NUP58: variants seen among roughly 807,000 people sequenced by gnomAD.
NUP58 encodes nucleoporin 58.
A neutral mutation model predicts 70.1 loss-of-function variants in NUP58; 17 were observed. The ratio of observed to expected loss-of-function variants is 0.24; its 90% CI spans 0.17 to 0.36. The LOEUF (loss-of-function observed/expected upper bound fraction) is 0.36, where lower values mean the gene tolerates loss of function less well. Ranked by LOEUF, NUP58 falls within the 10% of genes least tolerant of loss-of-function variation. NUP58 has a pLI of 1.00. For missense variants in NUP58, 644 were observed against 701.5 expected (o/e 0.92, Z 0.93); for synonymous variants, 275 against 257.6 (o/e 1.07, Z -0.65).
chr13:25,338,439 A>C (rs763926313), intron 14 of NUP58, among the ~76,000 whole-genome samples, 197 bp from the exon 15 acceptor site: 2 of 152,158 alleles, frequency 1.3e-5, no homozygotes, highest in Non-Finnish European at 2.9e-5. Context: ...GTCTAAATAG[A>C]TATAAACGTT....
intron 10 of NUP58, among the ~76,000 whole-genome samples, chr13:25,326,199 G>A (rs890224306): frequency 2.6e-5 from 4 of 152,122 alleles, no homozygotes; most frequent in African/African-American, 9.7e-5. Flanking sequence ...CTTCCTCACT[G>A]GACTTCCTCT....
downstream of NUP58, among the ~76,000 whole-genome samples, chr13:25,344,053 T>G (rs993169611): frequency 1.3e-5 from 2 of 152,090 alleles, no homozygotes; most frequent in Non-Finnish European, 2.9e-5. Flanking sequence ...TTCCTAGTAT[T>G]CTTTGTGATC....
At chr13:25,321,869 A>AT (rs1218038025) in intron 9 of NUP58, among the ~76,000 whole-genome samples, 1 of 152,122 alleles carries the variant, frequency 6.6e-6, no homozygotes, top group East Asian at 1.9e-4. Flanking sequence ...GTGAGCCAAG[A>AT]TTGCACCATT....
intron 3 of NUP58, among the ~76,000 whole-genome samples, chr13:25,311,096 T>C (rs2030642801): frequency 6.6e-6 from 1 of 152,176 alleles, no homozygotes; most frequent in African/African-American, 2.4e-5. Context: ...GTTTACTTTA[T>C]GGGCAGGAAG....
At chr13:25,303,175 C>A in intron 1 of NUP58, 3 of 446,296 alleles carry the variant, frequency 6.7e-6, no homozygotes, top group Non-Finnish European at 1.3e-5. Context: ...AAACAAAATT[C>A]CCATTGCTCT....
At position 25,321,125 on chromosome 13, in the gene NUP58, G is replaced by GT. The variant is rs1408920592; in HGVS notation, c.951+39dup. 5 of 1,531,600 alleles carry GT rather than the reference G, an allele frequency of 3.3e-6. No individual in the cohort carries two copies. In the Admixed American group the frequency reaches 1.2e-4, roughly 37 times the overall value. The allele number at this position is 1,531,600 out of a possible 1,614,324, so 94.9% of individuals were successfully genotyped here. ...CAACTTATGGCCATTTTACCGTAGG[G>GT]TTTTTTTGTTTTGTTTTTTCCAAAA... is the stretch of plus-strand genomic sequence containing the variant. On this transcript the variant is annotated intron_variant, in intron 9 of 15. Coordinates refer to ENST00000381736, the MANE Select transcript of NUP58 (RefSeq NM_014089.4).
rs146702490 is a variant in NUP58 at position 25,312,667 on chromosome 13, C to T, written c.287-216C>T. 2.3e-3 allele frequency among the ~76,000 whole-genome samples: 356 copies of T among 152,318 alleles called. 2 individuals are homozygous for T. Among genetic ancestry groups the T allele is most frequent in the African/African-American group, 8.1e-3 (336 of 41,570 alleles). ...ACAGGCGTGAGCCACTGTACCTGGCCATTCTTTTGTTTTTCTTAAAGAGCC... is the reference window on the plus strand; with the variant it reads ...ACAGGCGTGAGCCACTGTACCTGGCTATTCTTTTGTTTTTCTTAAAGAGCC... On this transcript the variant is annotated intron_variant, in intron 3 of 15. Transcript: ENST00000381736.
At chr13:25,323,172 A>G (rs1305629270) in intron 9 of NUP58, among the ~76,000 whole-genome samples, 1 of 152,130 alleles carries the variant, frequency 6.6e-6, no homozygotes, top group African/African-American at 2.4e-5. Flanking sequence ...AGAAGAGCAT[A>G]AAGGTGGCAA....
At position 25,309,726 on chromosome 13, in the gene NUP58, C is replaced by T. The variant is rs140377597; in HGVS notation, c.286+444C>T. 7.3e-3 allele frequency among the ~76,000 whole-genome samples: 1,106 copies of T among 152,032 alleles called. 13 individuals carry two copies. Among genetic ancestry groups the T allele is most frequent in the African/African-American group, 0.024 (998 of 41,442 alleles). On this transcript the variant is annotated intron_variant, in intron 3 of 15. Coordinates refer to ENST00000381736, the MANE Select transcript of NUP58 (RefSeq NM_014089.4). ...GACATAATACTTTCTGTAGTGTTAACGCTAAAGGGAATGTGAATAACTAGG... is the reference window on the plus strand; with the variant it reads ...GACATAATACTTTCTGTAGTGTTAATGCTAAAGGGAATGTGAATAACTAGG...
At chr13:25,327,799 A>G (rs1327752305) in intron 12 of NUP58, among the ~76,000 whole-genome samples, 2 of 152,124 alleles carry the variant, frequency 1.3e-5, no homozygotes, top group Non-Finnish European at 1.5e-5. Flanking sequence ...ATCATTTTTA[A>G]TAGTTAACAT....
At chr13:25,335,839 C>T (rs1213292077) in intron 13 of NUP58, 1 of 1,008,870 alleles carries the variant, frequency 9.9e-7, no homozygotes. Flanking sequence ...TGACAGTTCC[C>T]TCATCTTTGA....
Position 25,320,990 on chromosome 13 carries a change from T to G in NUP58, c.848T>G (p.Val283Gly), listed in dbSNP as rs1349709108. ...ATGTCTTCAAAAGCAATGCTTAAGGTACAAGAAGATATTAAAGCTCTGAAG... is the reference window on the plus strand; with the variant it reads ...ATGTCTTCAAAAGCAATGCTTAAGGGACAAGAAGATATTAAAGCTCTGAAG... ...SRMSSKAMLK[V>G]QEDIKALKQL... Residue 283 changes from valine to glycine, a missense_variant, in exon 9 of 16, where the codon GTA becomes GGA. Around this residue, in one of 4 missense-constraint regions of NUP58, gnomAD observed 430 missense variants for 409.2 expected, o/e 1.05. Transcript: ENST00000381736. 1 of 1,601,250 alleles carries G rather than the reference T, an allele frequency of 6.2e-7. No individual in the cohort carries two copies. Among genetic ancestry groups the G allele is most frequent in the Non-Finnish European group, 8.5e-7 (1 of 1,175,446 alleles).
At chr13:25,342,996 T>G (rs2137850736), downstream of NUP58, among the ~76,000 whole-genome samples, 1 of 152,264 alleles carries the variant, frequency 6.6e-6, no homozygotes, top group East Asian at 1.9e-4. Flanking sequence ...ACTGTGTGGT[T>G]TTTTTAGGAA....
rs2031929826 is a variant in NUP58, at chr13:25,340,749, C to T, written c.*615C>T. 6.6e-6 allele frequency: 1 copy of T among 152,150 alleles called. No homozygotes were observed. Among genetic ancestry groups the T allele is most frequent in the South Asian group, 2.1e-4 (1 of 4,824 alleles). 9.4% of individuals were successfully genotyped at this position (152,150 alleles called of 1,614,324 possible). ...CCAGCCTGACATGGTGAAACCCCAT[C>T]TCTACGAAAAATACAAAAATTAGCT... On this transcript the variant is annotated 3_prime_UTR_variant, in exon 16 of 16. Coordinates refer to ENST00000381736, the MANE Select transcript of NUP58 (RefSeq NM_014089.4).
At chr13:25,344,329 T>A (rs1377690635), downstream of NUP58, among the ~76,000 whole-genome samples, 1 of 152,210 alleles carries the variant, frequency 6.6e-6, no homozygotes, top group African/African-American at 2.4e-5. Context: ...AGACTTCAGC[T>A]TTATCCTCTA....
chr13:25,341,574 A>C lies in NUP58; in HGVS notation c.*1440A>C, dbSNP rs2031956081. On this transcript the variant is annotated 3_prime_UTR_variant, in exon 16 of 16. Transcript: ENST00000381736. ...AAAAATATTCTTTGTAGCAACTGTA[A>C]ATTCTCCCATTATAACAGTGAACAG... The C allele has an allele frequency of 6.6e-6, 1 of 152,618 alleles. No individual in the cohort carries two copies. The highest frequency in any genetic ancestry group is 1.5e-5 in the Non-Finnish European group (1 of 68,030). The allele number at this position is 152,618 out of a possible 1,614,324, so 9.5% of individuals were successfully genotyped here. A position where few individuals can be genotyped will look rare whatever the true frequency, so the allele number is the denominator to read the frequency against.
At chr13:25,319,580 G>T (rs1014312510) in intron 7 of NUP58, among the ~76,000 whole-genome samples, 1 of 151,934 alleles carries the variant, frequency 6.6e-6, no homozygotes, top group African/African-American at 2.4e-5. Context: ...TTCTGGAAAG[G>T]TGTTTGGTAT....
At chr13:25,344,281 T>C (rs1354379319), downstream of NUP58, among the ~76,000 whole-genome samples, 1 of 152,212 alleles carries the variant, frequency 6.6e-6, no homozygotes, top group Non-Finnish European at 1.5e-5. Context: ...GAATCCCGCC[T>C]TGACCATGTG....
intron 13 of NUP58, chr13:25,333,720 A>C (rs2031688054): frequency 1.0e-6 from 1 of 985,350 alleles, no homozygotes. Context: ...CTATTTATCA[A>C]ATGGTGTTTT....
Sources: allele counts gnomAD v4.1 joint callset (sites outside exome capture counted in the v4.1 genomes callset), GRCh38; gene constraint gnomAD v4.1.1; regional missense constraint gnomAD v4.1.1; transcripts MANE v1.5; gene names NCBI Gene and HGNC (gene_info 2026-07-23, HGNC 2026-07-21).